NEDD4L: variants seen among roughly 807,000 people sequenced by gnomAD.
NEDD4L encodes the protein E3 ubiquitin-protein ligase NEDD4-like.
In NEDD4L, 54 loss-of-function variants were observed where a neutral mutation model predicts 148.9. The ratio of observed to expected loss-of-function variants is 0.36; its 90% confidence interval spans 0.29 to 0.45. The LOEUF is 0.45. NEDD4L is among the 20% of genes least tolerant of loss of function. NEDD4L has a pLI of 1.00. For missense variants in NEDD4L, 856 were observed against 1,233.8 expected (o/e 0.69, Z 4.59); for synonymous variants, 433 against 440.7 (o/e 0.98, Z 0.22).
intron 2 of NEDD4L, among the ~76,000 whole-genome samples, chr18:58,167,355 A>G (rs2146653765): frequency 6.6e-6 from 1 of 152,340 alleles, no homozygotes; most frequent in East Asian, 1.9e-4. Flanking sequence ...TTTCAGAGCA[A>G]CACTTTCAGC....
chr18:58,288,901 T>C lies in NEDD4L; in HGVS notation c.298-27081T>C, dbSNP rs187788452. On this transcript the variant is annotated intron_variant, in intron 5 of 30. Transcript: ENST00000400345. ...GTCATCCCATGTTCTCAGTATAGAT[T>C]CAGCTTCATTTCTTACACCACACAC... Among the ~76,000 whole-genome samples, 81 of 152,342 alleles carry C rather than the reference T, an allele frequency of 5.3e-4. 1 individual carries two copies. Among genetic ancestry groups the C allele is most frequent in the African/African-American group, 1.9e-3 (81 of 41,564 alleles).
At chr18:58,268,166 G>A (rs1568524308) in intron 5 of NEDD4L, among the ~76,000 whole-genome samples, 2 of 152,150 alleles carry the variant, frequency 1.3e-5, no homozygotes, top group East Asian at 3.9e-4. Context: ...AGGAAGAATG[G>A]GGCTCAGAGC....
intron 5 of NEDD4L, among the ~76,000 whole-genome samples, chr18:58,264,938 A>G (rs998021784): frequency 1.3e-5 from 2 of 152,116 alleles, no homozygotes; most frequent in African/African-American, 4.8e-5. Context: ...ACATATAAAT[A>G]CTTAGGGAGC....
At chr18:58,186,217 T>A (rs1032540901) in intron 2 of NEDD4L, among the ~76,000 whole-genome samples, 2 of 152,344 alleles carry the variant, frequency 1.3e-5, no homozygotes, top group Admixed American at 6.5e-5. Flanking sequence ...TGTTGAGATA[T>A]CAGCATCCCT....
At chr18:58,045,191 G>C in intron 1 of NEDD4L, 1 of 398,526 alleles carries the variant, frequency 2.5e-6, no homozygotes, top group Non-Finnish European at 4.4e-6. Context: ...ATCAGCAGGC[G>C]CTCAGAAGCC....
At chr18:58,240,931 C>T (rs1304189027) in intron 2 of NEDD4L, among the ~76,000 whole-genome samples, 1 of 152,016 alleles carries the variant, frequency 6.6e-6, no homozygotes, top group Non-Finnish European at 1.5e-5. Flanking sequence ...TGCCTCAGCT[C>T]CCCGAGTAGC....
At chr18:58,302,262 C>T (rs1426612513) in intron 5 of NEDD4L, among the ~76,000 whole-genome samples, 1 of 152,170 alleles carries the variant, frequency 6.6e-6, no homozygotes, top group Non-Finnish European at 1.5e-5. Flanking sequence ...GAAGTCATTT[C>T]TAAAATCCCA....
intron 1 of NEDD4L, among the ~76,000 whole-genome samples, chr18:58,047,738 G>A (rs2081653168): frequency 6.6e-6 from 1 of 152,150 alleles, no homozygotes; most frequent in Admixed American, 6.5e-5. Flanking sequence ...GATCAGATTT[G>A]GTTTGGAATC....
intron 1 of NEDD4L, 195 bp from the exon 2 acceptor site, chr18:58,165,593 C>G: frequency 7.0e-7 from 1 of 1,426,168 alleles, no homozygotes; most frequent in Non-Finnish European, 9.2e-7. Context: ...TTCTAAGTTT[C>G]TAGAGTCACA....
At chr18:58,237,109 T>C (rs1441296926) in intron 2 of NEDD4L, among the ~76,000 whole-genome samples, 1 of 152,104 alleles carries the variant, frequency 6.6e-6, no homozygotes. Flanking sequence ...TCGCCACCTT[T>C]CACAAAGGCA....
intron 1 of NEDD4L, among the ~76,000 whole-genome samples, chr18:58,149,721 C>A (rs754664647): frequency 6.6e-6 from 1 of 152,138 alleles, no homozygotes; most frequent in Non-Finnish European, 1.5e-5. Context: ...TTACTTCTTT[C>A]TTGAAGGATT....
intron 19 of NEDD4L, 64 bp downstream of exon 19, chr18:58,357,316 G>A (rs1234417704): frequency 3.0e-6 from 4 of 1,322,610 alleles, no homozygotes; most frequent in East Asian, 2.3e-5. Flanking sequence ...CGTGTTTCTT[G>A]TGTATTACTG....
chr18:58,125,442 C>T (rs750952646), intron 1 of NEDD4L, among the ~76,000 whole-genome samples: 1 of 152,080 alleles, frequency 6.6e-6, no homozygotes, highest in Non-Finnish European at 1.5e-5. Flanking sequence ...CTGGCCACCC[C>T]CTTCTTTGTT....
intron 26 of NEDD4L, among the ~76,000 whole-genome samples, chr18:58,386,625 C>A (rs1283140009): frequency 2.6e-5 from 4 of 152,154 alleles, no homozygotes; most frequent in Non-Finnish European, 5.9e-5. Flanking sequence ...AAGCAAAATT[C>A]TTTCTTAAAT....
At chr18:58,133,289 C>T (rs1243672722) in intron 1 of NEDD4L, among the ~76,000 whole-genome samples, 1 of 152,156 alleles carries the variant, frequency 6.6e-6, no homozygotes, top group African/African-American at 2.4e-5. Context: ...AGTTTCTATG[C>T]CAACTGTTTC....
intron 1 of NEDD4L, among the ~76,000 whole-genome samples, chr18:58,142,119 T>TAGTG (rs1446411325): frequency 7.3e-6 from 1 of 137,322 alleles, no homozygotes; most frequent in African/African-American, 2.8e-5. Flanking sequence ...TGATCTGGGG[T>TAGTG]CACTGCAAGC....
chr18:58,047,583 G>A (rs1055006841), intron 1 of NEDD4L: 8 of 867,776 alleles, frequency 9.2e-6, no homozygotes, highest in Middle Eastern at 5.8e-4. Flanking sequence ...TGTTTCGGGC[G>A]GAGGTTTCTC....
intron 1 of NEDD4L, among the ~76,000 whole-genome samples, chr18:58,087,828 C>T (rs979961966): frequency 3.3e-5 from 5 of 152,178 alleles, no homozygotes; most frequent in African/African-American, 1.2e-4. Context: ...GAGCTGAGAT[C>T]GCACCATTGC....
chr18:58,368,766 G>A (rs1356346067), intron 22 of NEDD4L, among the ~76,000 whole-genome samples: 1 of 152,170 alleles, frequency 6.6e-6, no homozygotes, highest in Non-Finnish European at 1.5e-5. Context: ...TTATTTGGTA[G>A]CAGGGCGACA....
Sources: gnomAD v4.1 joint callset for allele counts (sites outside exome capture counted in the v4.1 genomes callset) on GRCh38, gnomAD v4.1.1 for gene constraint, MANE v1.5 for transcripts, NCBI Gene and HGNC (gene_info 2026-07-23, HGNC 2026-07-21) for gene names.